GRID1: variants seen among roughly 807,000 people sequenced by gnomAD.
The protein encoded by GRID1 is glutamate ionotropic receptor delta type subunit 1, also known as glutamate receptor ionotropic, delta-1.
In GRID1, 28 loss-of-function variants were observed where a neutral mutation model predicts 98.0. The ratio of observed to expected loss-of-function variants is 0.29; its 90% CI spans 0.21 to 0.39. GRID1 has a LOEUF of 0.39. Among genes scored for constraint, GRID1 ranks in the 10% least tolerant of loss-of-function variants. The pLI, the probability that GRID1 is intolerant of heterozygous loss-of-function variation, is 1.00. For missense variants in GRID1, 1,111 were observed against 1,340.5 expected (o/e 0.83, Z 2.67); for synonymous variants, 553 against 538.5 (o/e 1.03, Z -0.37).
At chr10:85,779,747 A>C (rs1190194111) in intron 8 of GRID1, among the ~76,000 whole-genome samples, 1 of 152,206 alleles carries the variant, frequency 6.6e-6, no homozygotes, top group Non-Finnish European at 1.5e-5. Flanking sequence ...CTGAATGAGC[A>C]GTCACTAATA....
At chr10:85,803,874 G>C (rs1421705015) in intron 8 of GRID1, among the ~76,000 whole-genome samples, 2 of 151,832 alleles carry the variant, frequency 1.3e-5, no homozygotes, top group African/African-American at 4.8e-5. Flanking sequence ...AAATAGCAAA[G>C]TTTATGGGAC....
chr10:85,816,051 A>G (rs1273108919), intron 8 of GRID1, among the ~76,000 whole-genome samples: 1 of 152,138 alleles, frequency 6.6e-6, no homozygotes, highest in Non-Finnish European at 1.5e-5. Flanking sequence ...TGTGGAGCAA[A>G]AAGAACATGA....
chr10:85,758,823 A>G (rs1024585535), intron 8 of GRID1, among the ~76,000 whole-genome samples: 1 of 152,180 alleles, frequency 6.6e-6, no homozygotes, highest in Non-Finnish European at 1.5e-5. Flanking sequence ...GTGACCTGCT[A>G]GTACTGAAAG....
At chr10:85,975,858 A>G (rs1842465829) in intron 4 of GRID1, among the ~76,000 whole-genome samples, 1 of 152,244 alleles carries the variant, frequency 6.6e-6, no homozygotes, top group Non-Finnish European at 1.5e-5. Context: ...TCTTTCCTAT[A>G]AAATATATTT....
intron 12 of GRID1, among the ~76,000 whole-genome samples, chr10:85,656,334 C>A (rs1840894717): frequency 2.6e-5 from 4 of 152,206 alleles, no homozygotes; most frequent in South Asian, 4.1e-4. Context: ...CCTAATTCTT[C>A]TTTCTGTTCT....
chr10:86,313,510 C>T lies in GRID1; in HGVS notation c.235+50431G>A, dbSNP rs1847859350. 3.9e-5 allele frequency among the ~76,000 whole-genome samples: 6 copies of T among 152,258 alleles called. No homozygotes were observed. The South Asian group carries it at 1.2e-3, about 32-fold the overall frequency. On this transcript the variant is annotated intron_variant, in intron 2 of 15. Coordinates refer to ENST00000327946, the MANE Select transcript of GRID1 (RefSeq NM_017551.3). ...GCCTCTGAGCTCCCCTCCTCAGATCCCCACTCCCCAGAACTTGAAGTGTGG... is the reference window on the plus strand; with the variant it reads ...GCCTCTGAGCTCCCCTCCTCAGATCTCCACTCCCCAGAACTTGAAGTGTGG...
intron 13 of GRID1, among the ~76,000 whole-genome samples, chr10:85,621,607 T>C (rs1842860384): frequency 6.6e-6 from 1 of 152,112 alleles, no homozygotes; most frequent in African/African-American, 2.4e-5. Context: ...AACGACCTTG[T>C]AAGAAATGAC....
chr10:85,988,690 G>A (rs1241241594), intron 4 of GRID1, among the ~76,000 whole-genome samples: 2 of 152,230 alleles, frequency 1.3e-5, no homozygotes, highest in Non-Finnish European at 2.9e-5. Flanking sequence ...GGTTGGTGGT[G>A]TGGCCTCTAG....
chr10:86,247,131 G>A (rs913043207), intron 2 of GRID1, among the ~76,000 whole-genome samples: 2 of 152,222 alleles, frequency 1.3e-5, no homozygotes. Context: ...AGTGGGCAAG[G>A]GGGTAGGTGG....
At chr10:86,072,615 A>G (rs1160859812) in intron 4 of GRID1, among the ~76,000 whole-genome samples, 1 of 152,232 alleles carries the variant, frequency 6.6e-6, no homozygotes, top group Non-Finnish European at 1.5e-5. Flanking sequence ...TAGTAAGGAG[A>G]AAATAATTAC....
At chr10:86,088,888 A>G (rs920643126) in intron 4 of GRID1, among the ~76,000 whole-genome samples, 1 of 151,560 alleles carries the variant, frequency 6.6e-6, no homozygotes, top group Non-Finnish European at 1.5e-5. Flanking sequence ...AAAGATCAAT[A>G]GATGCAGGCA....
rs747581024 is a variant in GRID1, at chr10:85,724,213, A to G, written c.1858+139T>C. Reference sequence around the variant, plus strand: ...ATTATTCAGAGAAATTGGGTGCAGCATGACATTTGTACTGTCCTAGAGATT... The same window carrying G: ...ATTATTCAGAGAAATTGGGTGCAGCGTGACATTTGTACTGTCCTAGAGATT... On this transcript the variant is annotated intron_variant, in intron 11 of 15. Transcript: ENST00000327946. The G allele has an allele frequency of 4.6e-4, 275 of 601,934 alleles. 1 individual carries two copies. Among genetic ancestry groups the G allele is most frequent in the South Asian group, 1.4e-3 (61 of 42,130 alleles). The allele number at this position is 601,934 out of a possible 1,614,324, so 37.3% of individuals were successfully genotyped here.
chr10:86,000,292 A>C (rs1842789034), intron 4 of GRID1, among the ~76,000 whole-genome samples: 1 of 152,206 alleles, frequency 6.6e-6, no homozygotes, highest in African/African-American at 2.4e-5. Context: ...GATGCAGGAA[A>C]TCAAAGACAT....
chr10:85,808,395 T>A (rs115722272), intron 8 of GRID1, among the ~76,000 whole-genome samples: 1,909 of 152,204 alleles, frequency 0.013, 46 homozygotes, highest in African/African-American at 0.043. Context: ...GTCCAAAATA[T>A]CTCTGTAAAA....
intron 4 of GRID1, among the ~76,000 whole-genome samples, chr10:86,010,710 C>T (rs796386477): frequency 2.0e-5 from 3 of 150,766 alleles, no homozygotes; most frequent in Non-Finnish European, 3.0e-5. Flanking sequence ...CCCAGCTACT[C>T]GAGAGGCTGA....
chr10:86,057,184 G>A (rs972984406), intron 4 of GRID1, among the ~76,000 whole-genome samples: 2 of 152,184 alleles, frequency 1.3e-5, no homozygotes, highest in African/African-American at 4.8e-5. Flanking sequence ...GAGAGAGACA[G>A]AGTAGAAGGA....
At chr10:86,360,180 GT>G (rs1848582888) in intron 2 of GRID1, among the ~76,000 whole-genome samples, 1 of 151,976 alleles carries the variant, frequency 6.6e-6, no homozygotes, top group African/African-American at 2.4e-5. Flanking sequence ...AAAAAAAAAA[GT>G]TTTGAATATT....
intron 4 of GRID1, among the ~76,000 whole-genome samples, chr10:86,026,286 T>A (rs559233282): frequency 6.6e-6 from 1 of 152,246 alleles, no homozygotes; most frequent in South Asian, 2.1e-4. Context: ...GCATACATAT[T>A]GCTCTTACAA....
intron 8 of GRID1, among the ~76,000 whole-genome samples, chr10:85,742,769 T>G (rs1271699247): frequency 6.6e-6 from 1 of 152,204 alleles, no homozygotes; most frequent in Non-Finnish European, 1.5e-5. Context: ...AAGAGAAGTC[T>G]AATTACTCTT....
Sources: allele counts gnomAD v4.1 joint callset (sites outside exome capture counted in the v4.1 genomes callset), GRCh38; gene constraint gnomAD v4.1.1; transcripts MANE v1.5; gene names NCBI Gene and HGNC (gene_info 2026-07-23, HGNC 2026-07-21).